The following CELF5 variants were observed in gnomAD, a reference collection of about 807,000 sequenced individuals.
CELF5 encodes the protein CUGBP Elav-like family member 5, also known as CUG-BP and ETR-3 like factor 5.
A neutral mutation model predicts 54.9 loss-of-function variants in CELF5; 6 were observed. The observed-to-expected ratio is 0.11, with a 90% confidence interval of 0.06 to 0.22. CELF5 has a LOEUF of 0.22. Ranked by LOEUF, CELF5 falls within the 10% of genes least tolerant of loss-of-function variation. The pLI is 1.00. For synonymous variants in CELF5, 271 were observed against 290.9 expected (o/e 0.93, Z 0.70); for missense variants, 401 against 678.6 (o/e 0.59, Z 4.54).
chr19:3,292,481 AC>A (rs2080368106), intron 11 of CELF5, among the ~76,000 whole-genome samples: 1 of 151,196 alleles, frequency 6.6e-6, no homozygotes, highest in Non-Finnish European at 1.5e-5. Context: ...ACGGGGTTTG[AC>A]CATGTTGGCC....
At chr19:3,262,443 G>A (rs1021727484) in intron 2 of CELF5, among the ~76,000 whole-genome samples, 4 of 152,158 alleles carry the variant, frequency 2.6e-5, no homozygotes, top group African/African-American at 9.7e-5. Flanking sequence ...GTTCTAGACC[G>A]GGGGCAGCTG....
intron 2 of CELF5, among the ~76,000 whole-genome samples, chr19:3,260,097 G>A (rs575071351): frequency 6.6e-6 from 1 of 152,162 alleles, no homozygotes; most frequent in Admixed American, 6.5e-5. Context: ...ATTTTAACAT[G>A]CAGTCTATGT....
At chr19:3,255,193 A>G (rs2079707106) in intron 2 of CELF5, among the ~76,000 whole-genome samples, 1 of 150,988 alleles carries the variant, frequency 6.6e-6, no homozygotes, top group African/African-American at 2.4e-5. Flanking sequence ...CACACCCCCC[A>G]ATTTTTTTTG....
intron 1 of CELF5, among the ~76,000 whole-genome samples, chr19:3,241,562 G>A (rs2079491799): frequency 6.6e-6 from 1 of 152,018 alleles, no homozygotes; most frequent in Non-Finnish European, 1.5e-5. Flanking sequence ...TCTGGGGCAG[G>A]TGTGTGGGGT....
chr19:3,262,719 G>C (rs891938262), intron 2 of CELF5, among the ~76,000 whole-genome samples: 2 of 152,102 alleles, frequency 1.3e-5, no homozygotes, highest in Admixed American at 6.6e-5. Flanking sequence ...GGGAGGCCGA[G>C]GGGGGTGGAT....
intron 2 of CELF5, among the ~76,000 whole-genome samples, chr19:3,264,138 G>A (rs2079847593): frequency 6.6e-6 from 1 of 152,058 alleles, no homozygotes; most frequent in African/African-American, 2.4e-5. Context: ...ACTGGATACA[G>A]TGGTGTGCCC....
At chr19:3,296,271 C>A (rs1458823247) in intron 12 of CELF5, 2 of 148,538 alleles carry the variant, frequency 1.3e-5, no homozygotes, top group Non-Finnish European at 3.0e-5. Flanking sequence ...TCCGGCAAGG[C>A]CTCTTACCAA....
At chr19:3,229,404 A>G (rs1917138837) in intron 1 of CELF5, among the ~76,000 whole-genome samples, 2 of 152,148 alleles carry the variant, frequency 1.3e-5, no homozygotes. Flanking sequence ...CTGGGCTTAC[A>G]AGGCACCGAG....
chr19:3,278,338 ATGTG>A lies in CELF5; in HGVS notation c.603+233_603+236del. ...GGAGGTGAGTAGGCAAGCGAAGTGT[ATGTG>A]TGTGCATGGATGTATTACAAGTGTG... On this transcript the variant is annotated intron_variant, in intron 5 of 12. Transcript: ENST00000292672. This position sits in a 1 kb window ranked among gnomAD's most constrained non-coding sequence, Gnocchi z 4.5. Among the ~76,000 whole-genome samples, 1 of 151,934 alleles carries A rather than the reference ATGTG, an allele frequency of 6.6e-6. No individual in the cohort carries two copies. The highest frequency in any genetic ancestry group is 1.9e-4 in the East Asian group (1 of 5,170).
intron 11 of CELF5, among the ~76,000 whole-genome samples, chr19:3,290,781 A>T (rs560964183): frequency 2.7e-5 from 4 of 149,774 alleles, no homozygotes; most frequent in African/African-American, 4.9e-5. Context: ...TTAGCCAGGA[A>T]GGTCTCCATC....
chr19:3,272,128 G>A (rs2079975182), intron 2 of CELF5, among the ~76,000 whole-genome samples: 1 of 152,174 alleles, frequency 6.6e-6, no homozygotes, highest in South Asian at 2.1e-4. Flanking sequence ...AGCAATTTGG[G>A]AGGCTGAGGT....
intron 1 of CELF5, among the ~76,000 whole-genome samples, chr19:3,226,071 G>A (rs888610469): frequency 2.6e-5 from 4 of 151,708 alleles, no homozygotes; most frequent in Admixed American, 1.3e-4. Context: ...ACAGCCTTCC[G>A]GTCAGGTGTT....
At chr19:3,264,718 T>A (rs1180742635) in intron 2 of CELF5, among the ~76,000 whole-genome samples, 4 of 149,594 alleles carry the variant, frequency 2.7e-5, no homozygotes, top group African/African-American at 9.8e-5. Flanking sequence ...ACCCGGCCTT[T>A]TTTTTTTTTC....
intron 2 of CELF5, among the ~76,000 whole-genome samples, chr19:3,263,580 A>AAAC (rs899634946): frequency 1.8e-4 from 27 of 149,066 alleles, no homozygotes; most frequent in African/African-American, 6.6e-4. Flanking sequence ...AGAAACAAAC[A>AAAC]AACAAACAAA....
At chr19:3,257,744 G>A (rs938298974) in intron 2 of CELF5, among the ~76,000 whole-genome samples, 1 of 151,512 alleles carries the variant, frequency 6.6e-6, no homozygotes, top group African/African-American at 2.4e-5. Context: ...CCAAAGTGCT[G>A]GGATTACAGG....
intron 1 of CELF5, among the ~76,000 whole-genome samples, chr19:3,234,119 A>G (rs1166645942): frequency 2.0e-5 from 3 of 152,134 alleles, no homozygotes; most frequent in Admixed American, 1.3e-4. Context: ...CCTCTAGCAG[A>G]GCTAGGAGCC....
chr19:3,261,158 G>A (rs2145183890), intron 2 of CELF5, among the ~76,000 whole-genome samples: 1 of 152,224 alleles, frequency 6.6e-6, no homozygotes, highest in South Asian at 2.1e-4. Flanking sequence ...AGTGGTTCAT[G>A]CCTGTAATCC....
chr19:3,277,925 G>A, intron 4 of CELF5, 106 bp from the exon 5 acceptor site: 1 of 794,020 alleles, frequency 1.3e-6, no homozygotes, highest in South Asian at 1.6e-5. Flanking sequence ...GGCTGCATGT[G>A]TCTGACACTG....
At chr19:3,280,147 A>G (rs970209332) in intron 5 of CELF5, among the ~76,000 whole-genome samples, 6 of 152,310 alleles carry the variant, frequency 3.9e-5, no homozygotes, top group African/African-American at 1.4e-4. Context: ...CTGGACAGCC[A>G]TGGAGTGGGA....
Sources: allele counts gnomAD v4.1 joint callset (sites outside exome capture counted in the v4.1 genomes callset), GRCh38; gene constraint gnomAD v4.1.1; non-coding constraint Gnocchi (gnomAD v3.1); transcripts MANE v1.5; gene names NCBI Gene and HGNC (gene_info 2026-07-23, HGNC 2026-07-21).